DIAPH3: variants seen among roughly 807,000 people sequenced by gnomAD.
The protein encoded by DIAPH3 is protein diaphanous homolog 3.
In DIAPH3, 117 loss-of-function variants were observed where a neutral mutation model predicts 144.3. The ratio of observed to expected loss-of-function variants is 0.81; its 90% CI spans 0.70 to 0.95. DIAPH3 has a LOEUF of 0.95. Among genes scored for constraint, DIAPH3 ranks in the 40% least tolerant of loss-of-function variants. DIAPH3 has a pLI of 0.00. For missense variants in DIAPH3, 1,421 were observed against 1,412.7 expected, an observed-to-expected ratio of 1.01 and a Z score of -0.09; for synonymous variants, 519 against 488.9, an observed-to-expected ratio of 1.06 and a Z score of -0.81.
At chr13:60,144,274 A>G (rs1341410186) in intron 1 of DIAPH3, among the ~76,000 whole-genome samples, 1 of 152,176 alleles carries the variant, frequency 6.6e-6, no homozygotes, top group Non-Finnish European at 1.5e-5. Flanking sequence ...GGAGCCTGCC[A>G]TGGATAATTT....
intron 27 of DIAPH3, among the ~76,000 whole-genome samples, chr13:59,771,404 TAAAA>T (rs894228218): frequency 4.6e-5 from 7 of 152,112 alleles, no homozygotes; most frequent in African/African-American, 1.7e-4. Context: ...TTAAAATAAA[TAAAA>T]AGTGGTCATA....
At chr13:59,724,472 G>A (rs989589256) in intron 27 of DIAPH3, among the ~76,000 whole-genome samples, 13 of 152,050 alleles carry the variant, frequency 8.5e-5, no homozygotes, top group African/African-American at 2.9e-4. Context: ...CCTTACTCTC[G>A]GTATTTCTTG....
At chr13:59,884,404 T>C (rs1035791526) in intron 20 of DIAPH3, among the ~76,000 whole-genome samples, 5 of 151,922 alleles carry the variant, frequency 3.3e-5, no homozygotes. Context: ...CCCAAAACCA[T>C]CCCCCTGCCA....
intron 24 of DIAPH3, among the ~76,000 whole-genome samples, chr13:59,824,705 C>T (rs2041276895): frequency 6.6e-6 from 1 of 152,086 alleles, no homozygotes; most frequent in Admixed American, 6.6e-5. Flanking sequence ...TGTCTATACC[C>T]ATCTACAAAA....
intron 1 of DIAPH3, among the ~76,000 whole-genome samples, chr13:60,137,437 A>G (rs959254924): frequency 6.6e-6 from 1 of 152,244 alleles, no homozygotes; most frequent in Non-Finnish European, 1.5e-5. Flanking sequence ...TACAAGTAAC[A>G]AAGACAGATA....
chr13:60,133,069 C>A, intron 1 of DIAPH3, 80 bp from the exon 2 acceptor site: 1 of 949,528 alleles, frequency 1.1e-6, no homozygotes, highest in South Asian at 1.5e-5. Flanking sequence ...ATTCAAAATT[C>A]TACAATCCTA....
At chr13:59,980,219 T>C (rs904494897) in intron 14 of DIAPH3, among the ~76,000 whole-genome samples, 7 of 151,636 alleles carry the variant, frequency 4.6e-5, no homozygotes, top group African/African-American at 1.4e-4. Flanking sequence ...CTATGACCTA[T>C]GAAAATGGCA....
intron 8 of DIAPH3, among the ~76,000 whole-genome samples, chr13:60,009,482 G>C (rs1223746527): frequency 1.3e-5 from 2 of 152,052 alleles, no homozygotes; most frequent in African/African-American, 2.4e-5. Flanking sequence ...GGGGGAAAGG[G>C]GAAAGGAAGA....
In DIAPH3 at chr13:59,963,741, T is replaced by C. The variant is rs1010426757; in HGVS notation, c.2074+6203A>G. On this transcript the variant is annotated intron_variant, in intron 17 of 27. Transcript: ENST00000400324. ...CTCTATCACCCAATCTCTACTTTTGTAGAGACAGGTCTCAATACATTGCCC... is the reference window on the plus strand; with the variant it reads ...CTCTATCACCCAATCTCTACTTTTGCAGAGACAGGTCTCAATACATTGCCC... 4.6e-5 allele frequency among the ~76,000 whole-genome samples: 7 copies of C among 152,170 alleles called. No individual in the cohort carries two copies. The South Asian group carries it at 6.2e-4, about 14-fold the overall frequency.
intron 5 of DIAPH3, among the ~76,000 whole-genome samples, chr13:60,037,590 A>C (rs1035584847): frequency 6.6e-6 from 1 of 151,998 alleles, no homozygotes; most frequent in Non-Finnish European, 1.5e-5. Flanking sequence ...ATAAGAAATT[A>C]AATATCAATC....
Position 60,158,906 on chromosome 13 carries a change from T to TAAAAA in DIAPH3, c.180+4676_180+4680dup, listed in dbSNP as rs71197285. 6.7e-3 allele frequency among the ~76,000 whole-genome samples: 516 copies of TAAAAA among 76,892 alleles called. 16 individuals carry two copies. Among genetic ancestry groups the TAAAAA allele is most frequent in the Middle Eastern group, 0.033 (3 of 90 alleles). The allele number at this position is 76,892 out of a possible 152,430, so 50.4% of individuals were successfully genotyped here. ...ATTGTTGCTCCTGCCTGGCCCCTCTTAAAAAAAAAAAAAAAAAAAAAAAAA... is the reference window on the plus strand; with the variant it reads ...ATTGTTGCTCCTGCCTGGCCCCTCTTAAAAAAAAAAAAAAAAAAAAAAAAAAAAAA... On this transcript the variant is annotated intron_variant, in intron 1 of 27. Transcript: ENST00000400324.
At chr13:59,709,076 C>A (rs980715765) in intron 27 of DIAPH3, among the ~76,000 whole-genome samples, 2 of 152,044 alleles carry the variant, frequency 1.3e-5, no homozygotes, top group African/African-American at 4.8e-5. Context: ...GATCTATGCC[C>A]ATTTGGAACA....
chr13:59,891,676 A>T (rs1345288597), intron 20 of DIAPH3, among the ~76,000 whole-genome samples: 2 of 152,028 alleles, frequency 1.3e-5, no homozygotes, highest in Admixed American at 6.6e-5. Flanking sequence ...ATTAAAAATA[A>T]ATTGCAGAAG....
At chr13:60,048,145 G>C (rs1566710444) in intron 4 of DIAPH3, among the ~76,000 whole-genome samples, 1 of 152,316 alleles carries the variant, frequency 6.6e-6, no homozygotes, top group Admixed American at 6.5e-5. Flanking sequence ...GCAGTAATAG[G>C]CATGCTCATT....
At chr13:59,831,758 G>C (rs1372358008) in intron 24 of DIAPH3, among the ~76,000 whole-genome samples, 1 of 151,894 alleles carries the variant, frequency 6.6e-6, no homozygotes, top group Non-Finnish European at 1.5e-5. Context: ...TTAGTAGCCA[G>C]TCAGGGGCCA....
intron 24 of DIAPH3, among the ~76,000 whole-genome samples, chr13:59,822,442 TTA>T (rs1441437948): frequency 6.6e-6 from 1 of 151,974 alleles, no homozygotes; most frequent in African/African-American, 2.4e-5. Flanking sequence ...ATTTATTTAT[TTA>T]TTTATTTTTT....
intron 27 of DIAPH3, among the ~76,000 whole-genome samples, chr13:59,697,471 A>ACAAAAAAAAAAAAAAAAC (rs1290535614): frequency 6.9e-6 from 1 of 144,482 alleles, no homozygotes; most frequent in African/African-American, 2.7e-5. Flanking sequence ...AAAAAAAAAA[A>ACAAAAAAAAAAAAAAAAC]AAAAAAAAAA....
At chr13:59,944,754 C>T (rs1039925420) in intron 17 of DIAPH3, among the ~76,000 whole-genome samples, 2 of 149,094 alleles carry the variant, frequency 1.3e-5, no homozygotes, top group African/African-American at 4.9e-5. Flanking sequence ...ATGTTTAACA[C>T]TAACTTGTTT....
chr13:59,703,252 G>A (rs2034218208), intron 27 of DIAPH3, among the ~76,000 whole-genome samples: 2 of 152,112 alleles, frequency 1.3e-5, no homozygotes, highest in Admixed American at 6.5e-5. Context: ...AGAAAACAGA[G>A]TATCTGATTA....
Sources: allele counts gnomAD v4.1 joint callset (sites outside exome capture counted in the v4.1 genomes callset), GRCh38; gene constraint gnomAD v4.1.1; transcripts MANE v1.5; gene names NCBI Gene and HGNC (gene_info 2026-07-23, HGNC 2026-07-21).